The following RIC8A variants were observed in gnomAD, a reference collection of about 807,000 sequenced individuals.
RIC8A encodes the protein chaperone Ric-8A.
Under a neutral mutation model 48.4 loss-of-function variants are expected in RIC8A, and 37 were observed. The observed-to-expected ratio is 0.77, with a 90% CI of 0.59 to 1.01. RIC8A has a LOEUF of 1.01. RIC8A is among the 50% of genes least tolerant of loss of function. The pLI is 0.00. For synonymous variants in RIC8A, 288 were observed against 283.4 expected (o/e 1.02, Z -0.16); for missense variants, 681 against 696.8 (o/e 0.98, Z 0.25).
At chr11:213,210 C>T (rs758685341) in intron 8 of RIC8A, 89 bp from the exon 9 acceptor site, 49 of 1,567,704 alleles carry the variant, frequency 3.1e-5, no homozygotes, top group Non-Finnish European at 3.9e-5. Context: ...TTGCCTTGCC[C>T]ACCTCACCCC....
Position 214,513 on chromosome 11 carries a change from T to C in RIC8A, c.*163T>C, listed in dbSNP as rs1417896696. The C allele has an allele frequency of 1.1e-6, 1 of 874,268 alleles. No individual in the cohort carries two copies. Among genetic ancestry groups the C allele is most frequent in the Non-Finnish European group, 1.8e-6 (1 of 544,110 alleles). The allele number at this position is 874,268 out of a possible 1,614,324, so 54.2% of individuals were successfully genotyped here. On this transcript the variant is annotated 3_prime_UTR_variant, in exon 10 of 10. Coordinates refer to ENST00000526104, the MANE Select transcript of RIC8A (RefSeq NM_001286134.2). ...ACTCCCGTTCTGTTCATGATTTGCC[T>C]CTGGTCCAGTTTCTCATCTCTGGAC...
chr11:213,512 G>C, intron 9 of RIC8A, 94 bp downstream of exon 9: 1 of 1,503,702 alleles, frequency 6.7e-7, no homozygotes, highest in Non-Finnish European at 9.0e-7. Context: ...GATCAGAGGA[G>C]AGCTTAGGAT....
chr11:209,544 G>C lies in RIC8A; in HGVS notation c.270G>C (p.Gln90His). ...CGTTCACCAGCCGCCAGAGCCTGCA[G>C]GCACTAGCCTGCTATGCTGACATCT... ...LDPFTSRQSL[Q>H]ALACYADISV... Residue 90 changes from glutamine (Q) to histidine (H), a missense_variant, in exon 3 of 10, where the codon CAG becomes CAC. Transcript: ENST00000526104. The C allele has an allele frequency of 6.2e-7, 1 of 1,614,100 alleles. No individual in the cohort carries two copies. Among genetic ancestry groups the C allele is most frequent in the Non-Finnish European group, 8.5e-7 (1 of 1,180,046 alleles).
chr11:213,460 GA>G (rs1399411196), intron 9 of RIC8A, 42 bp downstream of exon 9: 23 of 1,552,378 alleles, frequency 1.5e-5, no homozygotes, highest in Non-Finnish European at 2.0e-5. Flanking sequence ...TGGGAGAAGG[GA>G]GAGCTGACCC....
Position 214,263 on chromosome 11 carries a change from C to T in RIC8A, c.1509C>T (p.Pro503=). 1.2e-6 allele frequency: 2 copies of T among 1,613,888 alleles called. No homozygotes were observed. Among genetic ancestry groups the T allele is most frequent in the African/African-American group, 1.3e-5 (1 of 75,046 alleles). ...NRVIQPMGMS[P]RGHLTSLQDA... The stretch of plus-strand genomic sequence containing the variant: ...TCATCCAGCCAATGGGGATGAGTCC[C>T]CGGGGTCATCTTACGTCCCTGCAGG... The change falls in exon 10 of 10, where the codon CCC becomes CCT. Residue 503 remains proline, a synonymous_variant. Coordinates refer to ENST00000526104, the MANE Select transcript of RIC8A (RefSeq NM_001286134.2).
At chr11:210,874 C>T (rs1303721041) in intron 4 of RIC8A, 2 of 611,968 alleles carry the variant, frequency 3.3e-6, no homozygotes, top group Admixed American at 2.9e-5. Flanking sequence ...ATGGTACTTA[C>T]TAGGGCACAT....
chr11:214,451 C>A lies in RIC8A; in HGVS notation c.*101C>A, dbSNP rs933932611. 2.9e-6 allele frequency: 4 copies of A among 1,390,362 alleles called. No homozygotes were observed. In the African/African-American group the frequency reaches 4.3e-5, roughly 15 times the overall value. The allele number at this position is 1,390,362 out of a possible 1,614,324, so 86.1% of individuals were successfully genotyped here. A position where few individuals can be genotyped will look rare whatever the true frequency, so the allele number is the denominator to read the frequency against. On this transcript the variant is annotated 3_prime_UTR_variant, in exon 10 of 10. Coordinates refer to ENST00000526104, the MANE Select transcript of RIC8A (RefSeq NM_001286134.2). ...AGCCACATCCCACTGGATCCACACC[C>A]GCCCCCACTTCTCCATCTTAGAAAC...
Position 214,216 on chromosome 11 carries a change from C to T in RIC8A, c.1476-14C>T. 1 of 1,612,702 alleles carries T rather than the reference C, an allele frequency of 6.2e-7. No homozygotes were observed. Among genetic ancestry groups the T allele is most frequent in the Non-Finnish European group, 8.5e-7 (1 of 1,179,234 alleles). On this transcript the variant is annotated splice_polypyrimidine_tract_variant and intron_variant, in intron 9 of 9. Transcript: ENST00000526104. Reference sequence around the variant, plus strand: ...GGGCCCCTTCCCCAGCCCCACTGCACCTTTCCCCAACAGGAACAGAGTCAT... The same window carrying T: ...GGGCCCCTTCCCCAGCCCCACTGCATCTTTCCCCAACAGGAACAGAGTCAT...
At position 210,663 on chromosome 11, in the gene RIC8A, G is replaced by A. The variant is rs1479786845; in HGVS notation, c.818+1G>A. 6.2e-7 allele frequency: 1 copy of A among 1,613,944 alleles called. No individual in the cohort carries two copies. The highest frequency in any genetic ancestry group is 2.2e-5 in the East Asian group (1 of 44,884). On this transcript the variant is annotated splice_donor_variant, in intron 4 of 9. Transcript: ENST00000526104. LOFTEE classifies it high-confidence loss of function. Reference sequence around the variant, plus strand: ...GAGACCGCACAGAGGAGTTCCACGGGTGAGAATGGGGCTTTTTCTGGGAGG... The same window carrying A: ...GAGACCGCACAGAGGAGTTCCACGGATGAGAATGGGGCTTTTTCTGGGAGG...
chr11:214,168 G>T (rs1365442950), intron 9 of RIC8A, 62 bp from the exon 10 acceptor site: 1 of 1,571,702 alleles, frequency 6.4e-7, no homozygotes, highest in African/African-American at 1.3e-5. Context: ...CCACGGGTGA[G>T]TAGGACCCCT....
At chr11:212,382 G>A (rs756132832) in intron 5 of RIC8A, 34 bp from the exon 6 acceptor site, 8 of 1,601,916 alleles carry the variant, frequency 5.0e-6, no homozygotes, top group Non-Finnish European at 6.8e-6. Context: ...AGTTAGGCAG[G>A]GGCATAGCCC....
intron 5 of RIC8A, 167 bp from the exon 6 acceptor site, chr11:212,247 CCA>C (rs1855378594): frequency 1.6e-6 from 1 of 632,700 alleles, no homozygotes. Context: ...CACCCACCAC[CCA>C]CTCTTGGCCT....
chr11:212,774 C>G lies in RIC8A; in HGVS notation c.1210+15C>G. ...CTCTGAGAGTGGTGAGTTATGGAGA[C>G]CCAGGTCCCAGCCCACCCCACCTCA... is the stretch of plus-strand genomic sequence containing the variant. On this transcript the variant is annotated intron_variant, in intron 7 of 9. Transcript: ENST00000526104. 6.2e-7 allele frequency: 1 copy of G among 1,613,372 alleles called. No individual in the cohort carries two copies. Among genetic ancestry groups the G allele is most frequent in the Non-Finnish European group, 8.5e-7 (1 of 1,179,494 alleles).
rs1855229542 is a variant in RIC8A at position 208,083 on chromosome 11, G to A, written c.-772G>A. The stretch of plus-strand genomic sequence containing the variant: ...GAATCCTCATGACGGCCACTGAAAC[G>A]GACACGCAGGATCTTTGCTTTTCAA... On this transcript the variant is annotated 5_prime_UTR_variant, in exon 1 of 10. Transcript: ENST00000526104. The surrounding 1 kb of genome is among the most constrained non-coding windows in gnomAD (Gnocchi z 4.8). The A allele has an allele frequency of 1.3e-5, 2 of 152,254 alleles. No homozygotes were observed. Among genetic ancestry groups the A allele is most frequent in the South Asian group, 2.0e-4 (1 of 4,888 alleles). The allele number at this position is 152,254 out of a possible 1,614,324, so 9.4% of individuals were successfully genotyped here. A position where few individuals can be genotyped will look rare whatever the true frequency, so the allele number is the denominator to read the frequency against.
In RIC8A at chr11:213,307, C is replaced by T. The variant is rs1855417838; in HGVS notation, c.1364C>T (p.Pro455Leu). The T allele has an allele frequency of 6.2e-7, 1 of 1,613,970 alleles. No individual in the cohort carries two copies. The highest frequency in any genetic ancestry group is 2.2e-5 in the East Asian group (1 of 44,872). ...EYKEAKASIN[P>L]VTGRVEEKPP... ...CACCCACTGGGAAACAGCATAAACCCTGTGACCGGGAGGGTGGAGGAGAAG... is the reference window on the plus strand; with the variant it reads ...CACCCACTGGGAAACAGCATAAACCTTGTGACCGGGAGGGTGGAGGAGAAG... The change falls in exon 9 of 10, where the codon CCT (proline) becomes CTT (leucine). Residue 455 changes from proline (P) to leucine (L), a missense_variant. Coordinates refer to ENST00000526104, the MANE Select transcript of RIC8A (RefSeq NM_001286134.2).
intron 4 of RIC8A, chr11:210,973 G>C (rs906148829): frequency 4.9e-6 from 3 of 608,980 alleles, no homozygotes; most frequent in Admixed American, 3.0e-5. Context: ...AGACAGGGTC[G>C]GGGAGGCAGT....
At position 214,309 on chromosome 11, in the gene RIC8A, G is replaced by A; in HGVS notation, c.1555G>A (p.Glu519Lys). 6.2e-7 allele frequency: 1 copy of A among 1,612,688 alleles called. No individual in the cohort carries two copies. The highest frequency in any genetic ancestry group is 8.5e-7 in the Non-Finnish European group (1 of 1,179,458). ...GCAGGATGCCATGTGCGAGACTATGGAGCAGCAGCTCTCCTCGGACCCTGA... is the reference window on the plus strand; with the variant it reads ...GCAGGATGCCATGTGCGAGACTATGAAGCAGCAGCTCTCCTCGGACCCTGA... ...SLQDAMCETM[E>K]QQLSSDPDSD... is the part of the protein sequence containing the mutation. Residue 519 changes from glutamate to lysine, a missense_variant, in exon 10 of 10, where the codon GAG becomes AAG. Physicochemically the swap from Glu to Lys is moderately conservative, Grantham distance 56 (BLOSUM62 1). Coordinates refer to ENST00000526104, the MANE Select transcript of RIC8A (RefSeq NM_001286134.2).
chr11:209,714 G>A lies in RIC8A; in HGVS notation c.440G>A (p.Arg147His), dbSNP rs746632278. The A allele has an allele frequency of 6.2e-7, 1 of 1,614,056 alleles. No individual in the cohort carries two copies. The highest frequency in any genetic ancestry group is 2.2e-5 in the East Asian group (1 of 44,882). ...CGCCTAGTGGTGAAGCTCACAGAGC[G>A]TGTGGGGCTGTACCGTGAGAGGAGC... ...EARLVVKLTE[R>H]VGLYRERSFP... is the part of the protein sequence containing the mutation. Residue 147 changes from arginine to histidine, a missense_variant, in exon 3 of 10, where the codon CGT becomes CAT. Arg to His is a conservative substitution (Grantham distance 29). Transcript: ENST00000526104.
rs200936240 is a variant in RIC8A at position 209,955 on chromosome 11, G to A, written c.681G>A (p.Val227=). ...AGCGGGCCATGGAGATCCTCAAAGT[G>A]CTCTTCAACATCACCCTGGACTCCA... ...ETERAMEILK[V]LFNITLDSIK... The change falls in exon 3 of 10, where the codon GTG becomes GTA. Residue 227 remains valine, a synonymous_variant. Coordinates refer to ENST00000526104, the MANE Select transcript of RIC8A (RefSeq NM_001286134.2). 72 of 1,600,192 alleles carry A rather than the reference G, an allele frequency of 4.5e-5. No homozygotes were observed. In the East Asian group the frequency reaches 1.1e-3, roughly 24 times the overall value.
Sources: allele counts gnomAD v4.1 joint callset, GRCh38; gene constraint gnomAD v4.1.1; non-coding constraint Gnocchi (gnomAD v3.1); transcripts MANE v1.5; gene names NCBI Gene and HGNC (gene_info 2026-07-23, HGNC 2026-07-21).